SNPH: variants seen among roughly 807,000 people sequenced by gnomAD.
SNPH encodes the protein syntaphilin.
In SNPH, 10 loss-of-function variants were observed where a neutral mutation model predicts 36.8. That is an observed-to-expected ratio of 0.27 (90% confidence interval 0.17 to 0.46). The LOEUF is 0.46. SNPH is among the 20% of genes least tolerant of loss of function. The pLI, the probability that SNPH is intolerant of heterozygous loss-of-function variation, is 1.00. For missense variants in SNPH, 622 were observed against 744.0 expected (o/e 0.84, Z 1.91); for synonymous variants, 281 against 312.2 (o/e 0.90, Z 1.05).
At chr20:1,284,253 A>G (rs1382234016) in intron 2 of SNPH, among the ~76,000 whole-genome samples, 3 of 152,224 alleles carry the variant, frequency 2.0e-5, no homozygotes, top group African/African-American at 7.2e-5. Flanking sequence ...ACAAAGTACC[A>G]CAAAGCTTTC....
intron 4 of SNPH, 24 bp from the exon 5 acceptor site, chr20:1,297,121 C>T: frequency 6.2e-7 from 1 of 1,602,754 alleles, no homozygotes; most frequent in Non-Finnish European, 8.5e-7. Flanking sequence ...AGAACGAGCA[C>T]CTGCCTCTTC....
At chr20:1,301,050 G>C (rs1468415975) in intron 6 of SNPH, among the ~76,000 whole-genome samples, 1 of 152,202 alleles carries the variant, frequency 6.6e-6, no homozygotes, top group African/African-American at 2.4e-5. Flanking sequence ...CATCTTCCAG[G>C]AGTTGGAGCA....
At position 1,297,181 on chromosome 20, in the gene SNPH, C is replaced by G; in HGVS notation, c.219C>G (p.Tyr73Ter). 3 of 1,613,782 alleles carry G rather than the reference C, an allele frequency of 1.9e-6. No individual in the cohort carries two copies. The highest frequency in any genetic ancestry group is 2.5e-6 in the Non-Finnish European group (3 of 1,179,926). Residue 73 changes from tyrosine (Y) to a stop codon, truncating the protein, a stop_gained, in exon 5 of 7, where the codon TAC becomes TAG. Transcript: ENST00000381867. LOFTEE classifies it high-confidence loss of function. ...CACCTGTGAGCGTGCGGGATGCCTACGGCACCTCTTCGCTCAGCAGCAGCA... is the reference window on the plus strand; with the variant it reads ...CACCTGTGAGCGTGCGGGATGCCTAGGGCACCTCTTCGCTCAGCAGCAGCA... ...TSPPVSVRDA[Y>*]GTSSLSSSSN...
At chr20:1,282,039 G>A (rs2088231485) in intron 2 of SNPH, among the ~76,000 whole-genome samples, 1 of 152,376 alleles carries the variant, frequency 6.6e-6, no homozygotes, top group East Asian at 1.9e-4. Flanking sequence ...TGGATGATTT[G>A]TATGTCTGAG....
chr20:1,276,079 G>C lies in SNPH; in HGVS notation c.-493+9319G>C, dbSNP rs2122253386. ...CTCTGTGCTCTCAGAGGATGGAGAG[G>C]ACCTGACCCCTCCACACCCTCCTGT... On this transcript the variant is annotated intron_variant, in intron 2 of 6. Transcript: ENST00000381867. This position sits in a 1 kb window ranked among gnomAD's most constrained non-coding sequence, Gnocchi z 4.6. Among the ~76,000 whole-genome samples, 1 of 152,274 alleles carries C rather than the reference G, an allele frequency of 6.6e-6. No homozygotes were observed. Among genetic ancestry groups the C allele is most frequent in the Admixed American group, 6.5e-5 (1 of 15,300 alleles).
At position 1,304,742 on chromosome 20, in the gene SNPH, CTTCT is replaced by C; in HGVS notation, c.441-135_441-132del. On this transcript the variant is annotated intron_variant, in intron 6 of 6. Transcript: ENST00000381867. This position sits in a 1 kb window ranked among gnomAD's most constrained non-coding sequence, Gnocchi z 4.3. ...ATAATAAGAAGGCATTGAGTTTGTCCTTCTGTTTTGGGTTCTGAGCCACAGCAGC... is the reference window on the plus strand; with the variant it reads ...ATAATAAGAAGGCATTGAGTTTGTCCGTTTTGGGTTCTGAGCCACAGCAGC... 1 of 744,066 alleles carries C rather than the reference CTTCT, an allele frequency of 1.3e-6. No homozygotes were observed. The highest frequency in any genetic ancestry group is 2.2e-6 in the Non-Finnish European group (1 of 454,852). The allele number at this position is 744,066 out of a possible 1,614,324, so 46.1% of individuals were successfully genotyped here. A position where few individuals can be genotyped will look rare whatever the true frequency, so the allele number is the denominator to read the frequency against.
At position 1,294,842 on chromosome 20, in the gene SNPH, G is replaced by A. The variant is rs576010196; in HGVS notation, c.-492-109G>A. 2.6e-5 allele frequency: 4 copies of A among 152,530 alleles called. No individual in the cohort carries two copies. Among genetic ancestry groups the A allele is most frequent in the African/African-American group, 9.6e-5 (4 of 41,482 alleles). 9.4% of individuals were successfully genotyped at this position (152,530 alleles called of 1,614,324 possible). A position where few individuals can be genotyped will look rare whatever the true frequency, so the allele number is the denominator to read the frequency against. Reference sequence around the variant, plus strand: ...CAGCATCTGATGTTGACCTGGTTTCGATATTGGCTCTGCCACACACCTGGG... The same window carrying A: ...CAGCATCTGATGTTGACCTGGTTTCAATATTGGCTCTGCCACACACCTGGG... On this transcript the variant is annotated intron_variant, in intron 2 of 6. Transcript: ENST00000381867. This position sits in a 1 kb window ranked among gnomAD's most constrained non-coding sequence, Gnocchi z 4.4.
At chr20:1,297,374 CG>C in intron 5 of SNPH, 122 bp downstream of exon 5, 3 of 799,784 alleles carry the variant, frequency 3.8e-6, no homozygotes, top group Non-Finnish European at 6.0e-6. Flanking sequence ...AGCCGCTGGC[CG>C]TGTGACCTTG....
At chr20:1,300,477 GGT>G (rs2088492170) in intron 5 of SNPH, 83 bp from the exon 6 acceptor site, 1 of 1,460,110 alleles carries the variant, frequency 6.8e-7, no homozygotes, top group South Asian at 1.2e-5. Context: ...TGGTGAGGCT[GGT>G]GTCCCCTTGC....
chr20:1,297,254 T>TA lies in SNPH; in HGVS notation c.290+4dup. On this transcript the variant is annotated splice_region_variant and intron_variant, in intron 5 of 6. Coordinates refer to ENST00000381867, the MANE Select transcript of SNPH (RefSeq NM_001318234.2). ...CAGTGACAGCAGTCCCACGCCAAGG[T>TA]AATTGGCCCCTCCTCTCTGGGCCTG... is the stretch of plus-strand genomic sequence containing the variant. The TA allele has an allele frequency of 6.2e-7, 1 of 1,612,790 alleles. No individual in the cohort carries two copies. The highest frequency in any genetic ancestry group is 8.5e-7 in the Non-Finnish European group (1 of 1,179,454).
chr20:1,277,664 G>A (rs1186406074), intron 2 of SNPH, among the ~76,000 whole-genome samples: 2 of 149,246 alleles, frequency 1.3e-5, no homozygotes, highest in African/African-American at 5.0e-5. Context: ...GTGTATCTGT[G>A]TGTGTCCGTG....
At chr20:1,274,197 G>A (rs1460527598) in intron 2 of SNPH, among the ~76,000 whole-genome samples, 6 of 152,074 alleles carry the variant, frequency 3.9e-5, no homozygotes, top group Non-Finnish European at 8.8e-5. Flanking sequence ...TTCCCGCACC[G>A]TAGTGACAGG....
chr20:1,280,859 G>A (rs1482741518), intron 2 of SNPH, among the ~76,000 whole-genome samples: 2 of 152,156 alleles, frequency 1.3e-5, no homozygotes, highest in African/African-American at 4.8e-5. Flanking sequence ...CCTAGCACCT[G>A]GGAAGACTCC....
intron 2 of SNPH, among the ~76,000 whole-genome samples, chr20:1,277,933 G>A (rs989054518): frequency 3.4e-5 from 5 of 148,886 alleles, no homozygotes; most frequent in South Asian, 2.2e-4. Context: ...GTGTGTCTGC[G>A]TGTGTGCCTG....
rs1208860589 is a variant in SNPH, at chr20:1,294,559, T to C, written c.-492-392T>C. Among the ~76,000 whole-genome samples the C allele has an allele frequency of 2.0e-5, 3 of 152,092 alleles. No individual in the cohort carries two copies. The highest frequency in any genetic ancestry group is 4.4e-5 in the Non-Finnish European group (3 of 68,008). ...GCCAAGCTGGGGCAAGAAGCTCAGG[T>C]GACAGGTGTGGTGTCGGCAGGTCCT... On this transcript the variant is annotated intron_variant, in intron 2 of 6. Transcript: ENST00000381867. This position sits in a 1 kb window ranked among gnomAD's most constrained non-coding sequence, Gnocchi z 4.4.
intron 2 of SNPH, among the ~76,000 whole-genome samples, chr20:1,277,268 CA>C (rs1434536263): frequency 6.6e-6 from 1 of 152,174 alleles, no homozygotes; most frequent in African/African-American, 2.4e-5. Flanking sequence ...GAGTAAATGA[CA>C]AGAAGCTTTG....
At chr20:1,286,414 A>G (rs1038118085) in intron 2 of SNPH, among the ~76,000 whole-genome samples, 2 of 152,104 alleles carry the variant, frequency 1.3e-5, no homozygotes, top group African/African-American at 4.8e-5. Flanking sequence ...GCAGCTGGAG[A>G]GGGAGAAGGG....
In SNPH at chr20:1,296,161, C is replaced by T. The variant is rs2088429020; in HGVS notation, c.-79C>T. The T allele has an allele frequency of 1.6e-5, 20 of 1,256,804 alleles. No homozygotes were observed. Among genetic ancestry groups the T allele is most frequent in the Non-Finnish European group, 2.1e-5 (20 of 933,446 alleles). The allele number at this position is 1,256,804 out of a possible 1,614,324, so 77.9% of individuals were successfully genotyped here. On this transcript the variant is annotated 5_prime_UTR_variant, in exon 4 of 7. Coordinates refer to ENST00000381867, the MANE Select transcript of SNPH (RefSeq NM_001318234.2). ...TGGGAACCTGTGCACCAGCCCTATT[C>T]AATTCACTGGTGGAGGCAGCCGTGG... is the stretch of plus-strand genomic sequence containing the variant.
Position 1,297,216 on chromosome 20 carries a change from G to C in SNPH, c.254G>C (p.Gly85Ala), listed in dbSNP as rs755896450. The stretch of plus-strand genomic sequence containing the variant: ...TCGCTCAGCAGCAGCAGCAATTCTG[G>C]CTCCTACAAGGGCAGTGACAGCAGT... ...TSSLSSSSNS[G>A]SYKGSDSSPT... Residue 85 changes from glycine to alanine, a missense_variant, in exon 5 of 7, where the codon GGC becomes GCC. Gly to Ala is a moderately conservative substitution (Grantham distance 60, BLOSUM62 0). Coordinates refer to ENST00000381867, the MANE Select transcript of SNPH (RefSeq NM_001318234.2). 27 of 1,613,774 alleles carry C rather than the reference G, an allele frequency of 1.7e-5. No individual in the cohort carries two copies. Among genetic ancestry groups the C allele is most frequent in the Non-Finnish European group, 2.3e-5 (27 of 1,179,998 alleles).
Sources: allele counts gnomAD v4.1 joint callset (sites outside exome capture counted in the v4.1 genomes callset), GRCh38; gene constraint gnomAD v4.1.1; non-coding constraint Gnocchi (gnomAD v3.1); transcripts MANE v1.5; gene names NCBI Gene and HGNC (gene_info 2026-07-23, HGNC 2026-07-21).